CBL: variants seen among roughly 807,000 people sequenced by gnomAD.
CBL encodes the protein E3 ubiquitin-protein ligase CBL.
Under a neutral mutation model 96.9 loss-of-function variants are expected in CBL, and 45 were observed. The ratio of observed to expected loss-of-function variants is 0.46; its 90% CI spans 0.37 to 0.60. The LOEUF is 0.60. Ranked by LOEUF, CBL falls within the 20% of genes least tolerant of loss-of-function variation. The pLI is 0.00. For synonymous variants in CBL, 420 were observed against 426.8 expected, an observed-to-expected ratio of 0.98 and a Z score of 0.20; for missense variants, 1,024 against 1,143.5, an observed-to-expected ratio of 0.90 and a Z score of 1.51.
At chr11:119,229,828 A>G (rs1949487761) in intron 1 of CBL, among the ~76,000 whole-genome samples, 1 of 151,206 alleles carries the variant, frequency 6.6e-6, no homozygotes, top group African/African-American at 2.4e-5. Flanking sequence ...CCTGGGTTCA[A>G]GTGATTCTCC....
intron 2 of CBL, among the ~76,000 whole-genome samples, chr11:119,267,070 A>G (rs1408434437): frequency 6.6e-6 from 1 of 152,196 alleles, no homozygotes; most frequent in Non-Finnish European, 1.5e-5. Flanking sequence ...ATTCTGCCCC[A>G]TATACTGTAG....
At position 119,274,083 on chromosome 11, in the gene CBL, T is replaced by G. The variant is rs752100472; in HGVS notation, c.747+59T>G. 6.7e-3 allele frequency: 5,063 copies of G among 752,228 alleles called. 6 individuals carry two copies. The highest frequency in any genetic ancestry group is 8.5e-3 in the South Asian group (391 of 45,870). 46.6% of individuals were successfully genotyped at this position (752,228 alleles called of 1,614,324 possible). A position where few individuals can be genotyped will look rare whatever the true frequency, so the allele number is the denominator to read the frequency against. Reference sequence around the variant, plus strand: ...CTGCTACTTCGGTGAAGAGAAAGCTTTTTTTTTTTTTTTTTAAATAACATT... The same window carrying G: ...CTGCTACTTCGGTGAAGAGAAAGCTGTTTTTTTTTTTTTTTAAATAACATT... On this transcript the variant is annotated intron_variant, in intron 4 of 15. Transcript: ENST00000264033.
chr11:119,255,119 A>G (rs934954098), intron 2 of CBL, among the ~76,000 whole-genome samples: 1 of 152,024 alleles, frequency 6.6e-6, no homozygotes, highest in Admixed American at 6.6e-5. Context: ...AACCTTCTTT[A>G]TGGGATTGAG....
rs180887056 is a variant in CBL, at chr11:119,267,780, T to G, written c.444-3955T>G. 1.3e-3 allele frequency among the ~76,000 whole-genome samples: 202 copies of G among 152,322 alleles called. 2 individuals are homozygous for G. The highest frequency in any genetic ancestry group is 4.7e-3 in the African/African-American group (194 of 41,562). ...GAAGGTATATTGATCATTAGAAATT[T>G]TTGCCGTTCGCTTGGCCCAGAGGGA... On this transcript the variant is annotated intron_variant, in intron 2 of 15. Transcript: ENST00000264033.
At chr11:119,282,550 T>C (rs1188900171) in intron 9 of CBL, among the ~76,000 whole-genome samples, 1 of 152,194 alleles carries the variant, frequency 6.6e-6, no homozygotes, top group Non-Finnish European at 1.5e-5. Context: ...GAGATGAGCC[T>C]GAATAGAGCA....
intron 3 of CBL, among the ~76,000 whole-genome samples, chr11:119,272,533 G>A (rs1949857160): frequency 6.6e-6 from 1 of 152,190 alleles, no homozygotes; most frequent in South Asian, 2.1e-4. Context: ...CGCAGGAGTG[G>A]AATTGCTAAG....
chr11:119,221,426 G>A (rs1949410200), intron 1 of CBL, among the ~76,000 whole-genome samples: 1 of 151,792 alleles, frequency 6.6e-6, no homozygotes. Context: ...AAAAAGGATG[G>A]GTTTCTGATT....
chr11:119,252,518 G>GC (rs1949676542), intron 2 of CBL, among the ~76,000 whole-genome samples: 1 of 152,062 alleles, frequency 6.6e-6, no homozygotes, highest in African/African-American at 2.4e-5. Flanking sequence ...ATTGTGCAGG[G>GC]CTTTTTAGGC....
Position 119,232,701 on chromosome 11 carries a change from G to A in CBL, c.443+6G>A, listed in dbSNP as rs753823608. ...GAGGAGAATTCTCAGCCTAGGTAATGGAGAAATACTACACAAATAATTATG... is the reference window on the plus strand; with the variant it reads ...GAGGAGAATTCTCAGCCTAGGTAATAGAGAAATACTACACAAATAATTATG... On this transcript the variant is annotated splice_donor_region_variant and intron_variant, in intron 2 of 15. Transcript: ENST00000264033. 6.2e-7 allele frequency: 1 copy of A among 1,612,136 alleles called. No homozygotes were observed. Among genetic ancestry groups the A allele is most frequent in the East Asian group, 2.2e-5 (1 of 44,874 alleles).
intron 4 of CBL, 112 bp from the exon 5 acceptor site, chr11:119,274,720 A>G: frequency 1.4e-5 from 14 of 1,015,512 alleles, no homozygotes; most frequent in Non-Finnish European, 2.1e-5. Flanking sequence ...GGTATAATTA[A>G]AAATTTCTGA....
Position 119,285,379 on chromosome 11 carries a change from G to T in CBL, c.1754G>T (p.Arg585Leu), listed in dbSNP as rs727504640. The change falls in exon 11 of 16, where the codon CGC becomes CTC. Residue 585 changes from arginine (R) to leucine (L), a missense_variant. Physicochemically the swap from Arg to Leu is moderately radical, Grantham distance 102. Transcript: ENST00000264033. ...RDKLPPVPSS[R>L]LGDSWLPRPI... is the part of the protein sequence containing the mutation. The stretch of plus-strand genomic sequence containing the variant: ...AAACTGCCCCCTGTCCCCTCTAGCC[G>T]CCTTGGAGACTCATGGCTGCCCCGG... 2.6e-5 allele frequency: 42 copies of T among 1,613,940 alleles called. No individual in the cohort carries two copies. The highest frequency in any genetic ancestry group is 3.3e-5 in the Non-Finnish European group (39 of 1,179,998).
chr11:119,286,749 G>A (rs1462563328), intron 11 of CBL, among the ~76,000 whole-genome samples: 7 of 152,156 alleles, frequency 4.6e-5, no homozygotes, highest in Admixed American at 4.6e-4. Context: ...ATGCAAGAAA[G>A]GGTCCAGAAC....
chr11:119,257,185 A>T (rs1195527568), intron 2 of CBL, among the ~76,000 whole-genome samples: 1 of 152,226 alleles, frequency 6.6e-6, no homozygotes, highest in African/African-American at 2.4e-5. Flanking sequence ...TTACTTCACC[A>T]CCAGCAGTGT....
chr11:119,227,503 TTTC>T (rs1312203116), intron 1 of CBL, among the ~76,000 whole-genome samples: 1 of 152,166 alleles, frequency 6.6e-6, no homozygotes, highest in Non-Finnish European at 1.5e-5. Context: ...CACCCAGCAC[TTTC>T]TTATCATATT....
chr11:119,257,037 C>T (rs1032549001), intron 2 of CBL, among the ~76,000 whole-genome samples: 3 of 152,144 alleles, frequency 2.0e-5, no homozygotes, highest in South Asian at 2.1e-4. Context: ...TTAACATATA[C>T]GTGCAGGTCC....
intron 11 of CBL, among the ~76,000 whole-genome samples, chr11:119,286,375 C>T (rs1159048402): frequency 1.3e-5 from 2 of 152,112 alleles, no homozygotes; most frequent in African/African-American, 2.4e-5. Flanking sequence ...TTCATAAATG[C>T]CATTTGTAAT....
intron 2 of CBL, among the ~76,000 whole-genome samples, chr11:119,257,536 C>G (rs1245831995): frequency 6.6e-6 from 1 of 152,096 alleles, no homozygotes; most frequent in Non-Finnish European, 1.5e-5. Flanking sequence ...GCATTGCTTG[C>G]ATGTATTTTC....
At chr11:119,264,742 G>C (rs945559451) in intron 2 of CBL, among the ~76,000 whole-genome samples, 1 of 151,058 alleles carries the variant, frequency 6.6e-6, no homozygotes, top group Non-Finnish European at 1.5e-5. Flanking sequence ...TTGGCCTCCC[G>C]TAAGTGCTGG....
chr11:119,288,830 G>A (rs1002811157), intron 12 of CBL, among the ~76,000 whole-genome samples: 6 of 152,116 alleles, frequency 3.9e-5, no homozygotes, highest in Admixed American at 2.6e-4. Flanking sequence ...GTTTATTGAT[G>A]AAAATCTATG....
Sources: gnomAD v4.1 joint callset for allele counts (sites outside exome capture counted in the v4.1 genomes callset) on GRCh38, gnomAD v4.1.1 for gene constraint, MANE v1.5 for transcripts, NCBI Gene and HGNC (gene_info 2026-07-23, HGNC 2026-07-21) for gene names.